ATR: variants seen among roughly 807,000 people sequenced by gnomAD.
The protein encoded by ATR is ATR checkpoint kinase.
A neutral mutation model predicts 305.3 loss-of-function variants in ATR; 142 were observed. The observed-to-expected ratio is 0.47, with a 90% CI of 0.41 to 0.53. The LOEUF is 0.53. Ranked by LOEUF, ATR falls within the 20% of genes least tolerant of loss-of-function variation. ATR has a pLI of 0.00. For synonymous variants in ATR, 1,050 were observed against 1,068.1 expected (o/e 0.98, Z 0.33); for missense variants, 2,135 against 3,133.1 (o/e 0.68, Z 7.60).
At chr3:142,526,290 A>C (rs1469742129) in intron 21 of ATR, among the ~76,000 whole-genome samples, 1 of 152,098 alleles carries the variant, frequency 6.6e-6, no homozygotes, top group Non-Finnish European at 1.5e-5. Flanking sequence ...TTAGCATAAG[A>C]AATGGAGATA....
rs572618001 is a variant in ATR at position 142,493,450 on chromosome 3, A to G, written c.5899-139T>C. ...TCTTTTACTTGCCTCTTATTAAAGTAAAATTCTAAAACTGAAACATTGCTT... is the reference window on the plus strand; with the variant it reads ...TCTTTTACTTGCCTCTTATTAAAGTGAAATTCTAAAACTGAAACATTGCTT... On this transcript the variant is annotated intron_variant, in intron 34 of 46. Transcript: ENST00000350721. 1.3e-4 allele frequency: 131 copies of G among 1,016,630 alleles called. No individual in the cohort carries two copies. In the African/African-American group the frequency reaches 2.0e-3, roughly 16 times the overall value. 63.0% of individuals were successfully genotyped at this position (1,016,630 alleles called of 1,614,324 possible). A position where few individuals can be genotyped will look rare whatever the true frequency, so the allele number is the denominator to read the frequency against.
At chr3:142,542,642 ACT>A (rs2034094637) in intron 17 of ATR, 21 bp downstream of exon 17, 3 of 1,563,158 alleles carry the variant, frequency 1.9e-6, no homozygotes, top group Non-Finnish European at 2.6e-6. Flanking sequence ...CTATCTTAGC[ACT>A]CTGGAACTAT....
intron 35 of ATR, among the ~76,000 whole-genome samples, chr3:142,487,977 C>T (rs138583218): frequency 2.0e-5 from 3 of 152,294 alleles, no homozygotes; most frequent in Admixed American, 6.5e-5. Flanking sequence ...GATACACTTG[C>T]CAACTTTAGC....
chr3:142,454,629 G>A (rs1237522084), intron 45 of ATR, among the ~76,000 whole-genome samples: 1 of 151,708 alleles, frequency 6.6e-6, no homozygotes, highest in East Asian at 1.9e-4. Context: ...TTTTAGTAGA[G>A]ACAGGGTTTC....
At position 142,515,435 on chromosome 3, in the gene ATR, G is replaced by A. The variant is rs753008812; in HGVS notation, c.4463C>T (p.Ala1488Val). The part of the protein sequence containing the change: ...IYLSKLGSNF[A>V]EWSASWAGYL... ...ACCTGCCCAAGATGCTGACCATTCT[G>A]CAAAGTTACTACCCAATTTACTTAA... Residue 1488 changes from alanine to valine, a missense_variant, in exon 25 of 47, where the codon GCA becomes GTA. Ala to Val is a moderately conservative substitution (Grantham distance 64, BLOSUM62 0). Around this residue, in one of 9 missense-constraint regions of ATR, gnomAD observed 202 missense variants for 252.9 expected, o/e 0.80. Transcript: ENST00000350721. 19 of 1,613,808 alleles carry A rather than the reference G, an allele frequency of 1.2e-5. No individual in the cohort carries two copies. The East Asian group carries it at 4.2e-4, about 36-fold the overall frequency.
chr3:142,469,321 T>G lies in ATR; in HGVS notation c.6552+16A>C. 6.3e-7 allele frequency: 1 copy of G among 1,595,330 alleles called. No homozygotes were observed. Among genetic ancestry groups the G allele is most frequent in the South Asian group, 1.1e-5 (1 of 90,442 alleles). ...TAAAAGATCTTTTCATATAAAAAGG[T>G]AAAAGACCCTTTTACCTTTGACACA... On this transcript the variant is annotated intron_variant, in intron 38 of 46. Transcript: ENST00000350721.
intron 36 of ATR, 71 bp downstream of exon 36, chr3:142,485,069 G>T: frequency 6.3e-7 from 1 of 1,580,058 alleles, no homozygotes; most frequent in Non-Finnish European, 8.7e-7. Context: ...GCTAAGACAT[G>T]TGATAACAGT....
In ATR at chr3:142,553,990, A is replaced by T. The variant is rs2108466016; in HGVS notation, c.2367T>A (p.Leu789=). The T allele has an allele frequency of 6.2e-7, 1 of 1,609,072 alleles. No individual in the cohort carries two copies. The highest frequency in any genetic ancestry group is 1.7e-5 in the Admixed American group (1 of 59,596). The change falls in exon 11 of 47, where the codon CTT becomes CTA. Residue 789 remains leucine, a synonymous_variant. Coordinates refer to ENST00000350721, the MANE Select transcript of ATR (RefSeq NM_001184.4). The part of the protein sequence containing the change: ...KLAFIDNLHH[L]CKHLDFREDE... The stretch of plus-strand genomic sequence containing the variant: ...CTTCTCTAAAATCAAGATGCTTACA[A>T]AGATGATGTAGATTATCTATGAAAG...
In ATR at chr3:142,556,388, A is replaced by T. The variant is rs773660116; in HGVS notation, c.2073T>A (p.Ile691=). 11 of 1,613,104 alleles carry T rather than the reference A, an allele frequency of 6.8e-6. No individual in the cohort carries two copies. The East Asian group carries it at 2.2e-4, about 33-fold the overall frequency. ...QQNSCNRVPK[I]LIDKVKDDSD... ...ATTAAAATCTTAGTACATACATAAG[A>T]ATCTTGGGAACTCTGTTACAAGAAT... is the stretch of plus-strand genomic sequence containing the variant. The change falls in exon 9 of 47, where the codon ATT becomes ATA. Residue 691 remains isoleucine (I), a synonymous_variant. Coordinates refer to ENST00000350721, the MANE Select transcript of ATR (RefSeq NM_001184.4).
At chr3:142,477,280 T>G (rs1334391338) in intron 36 of ATR, among the ~76,000 whole-genome samples, 2 of 152,212 alleles carry the variant, frequency 1.3e-5, no homozygotes, top group African/African-American at 4.8e-5. Flanking sequence ...ATACCTAATT[T>G]ATTGAGAGTT....
Position 142,495,865 on chromosome 3 carries a change from C to T in ATR, c.5898+496G>A, listed in dbSNP as rs76865687. ...ACTTTGGCTTTAATCTGAGGTCTGC[C>T]GTGAACTTCTGTTCAGATGCTAGGC... On this transcript the variant is annotated intron_variant, in intron 34 of 46. Transcript: ENST00000350721. Among the ~76,000 whole-genome samples the T allele has an allele frequency of 5.9e-3, 890 of 152,112 alleles. 9 individuals carry two copies. The highest frequency in any genetic ancestry group is 0.02 in the African/African-American group (846 of 41,492).
intron 46 of ATR, chr3:142,450,407 CT>C: frequency 6.3e-7 from 1 of 1,576,092 alleles, no homozygotes; most frequent in Non-Finnish European, 8.7e-7. Context: ...CTGCTGTCTT[CT>C]TTCACTTGTG....
chr3:142,553,232 A>C lies in ATR; in HGVS notation c.2800T>G (p.Cys934Gly). 2 of 1,614,094 alleles carry C rather than the reference A, an allele frequency of 1.2e-6. No homozygotes were observed. The highest frequency in any genetic ancestry group is 1.7e-6 in the Non-Finnish European group (2 of 1,179,926). ...AGACAAACGCTGACTCTTACCTGAC[A>C]GATGGGTTTCTTATACTGGCTGAAA... ...SFFSQYKKPI[C>G]QFLVESLHSS... The change falls in exon 13 of 47, where the codon TGT (cysteine) becomes GGT (glycine). Residue 934 changes from cysteine to glycine, a missense_variant. Coordinates refer to ENST00000350721, the MANE Select transcript of ATR (RefSeq NM_001184.4).
rs77316855 is a variant in ATR, at chr3:142,559,143, C to T, written c.1732+108G>A. 4.9e-6 allele frequency: 6 copies of T among 1,230,364 alleles called. No individual in the cohort carries two copies. In the African/African-American group the frequency reaches 9.2e-5, roughly 19 times the overall value. 76.2% of individuals were successfully genotyped at this position (1,230,364 alleles called of 1,614,324 possible). A position where few individuals can be genotyped will look rare whatever the true frequency, so the allele number is the denominator to read the frequency against. On this transcript the variant is annotated intron_variant, in intron 7 of 46. Coordinates refer to ENST00000350721, the MANE Select transcript of ATR (RefSeq NM_001184.4). ...TAATAGAACTGAAATCAGGAAAAAA[C>T]TTCTGAGTATTCCAAACACGCACTT...
intron 27 of ATR, among the ~76,000 whole-genome samples, chr3:142,510,806 GA>G (rs879635106): frequency 1.4e-3 from 191 of 139,724 alleles, no homozygotes; most frequent in Middle Eastern, 3.6e-3. Context: ...GCCAAGAATG[GA>G]AAAAAAAAAA....
intron 36 of ATR, among the ~76,000 whole-genome samples, chr3:142,471,889 C>G (rs1019593331): frequency 2.6e-5 from 4 of 152,168 alleles, no homozygotes; most frequent in Non-Finnish European, 5.9e-5. Flanking sequence ...CAACTCCTCA[C>G]TACTCCAACC....
chr3:142,476,065 G>T (rs1330277989), intron 36 of ATR, among the ~76,000 whole-genome samples: 4 of 152,298 alleles, frequency 2.6e-5, no homozygotes, highest in African/African-American at 9.6e-5. Context: ...TCTGATGGTA[G>T]TTTCTTTTGC....
chr3:142,473,862 C>A (rs1023651263), intron 36 of ATR, among the ~76,000 whole-genome samples: 11 of 150,210 alleles, frequency 7.3e-5, no homozygotes, highest in African/African-American at 2.7e-4. Context: ...CTCAAGATTT[C>A]TTTGGTTATC....
In ATR at chr3:142,518,189, T is replaced by C. The variant is rs542134081; in HGVS notation, c.4382+1480A>G. Among the ~76,000 whole-genome samples the C allele has an allele frequency of 3.9e-4, 60 of 152,166 alleles. No individual in the cohort carries two copies. In the Middle Eastern group the frequency reaches 0.017, roughly 43 times the overall value. ...AGTATGGAGTCCTCAAAAATGAAAATCCAAATTTTAACTTTAGTCTTTAAC... is the reference window on the plus strand; with the variant it reads ...AGTATGGAGTCCTCAAAAATGAAAACCCAAATTTTAACTTTAGTCTTTAAC... On this transcript the variant is annotated intron_variant, in intron 24 of 46. Transcript: ENST00000350721.
Sources: gnomAD v4.1 joint callset for allele counts (sites outside exome capture counted in the v4.1 genomes callset) on GRCh38, gnomAD v4.1.1 for gene constraint, gnomAD v4.1.1 regional missense constraint, MANE v1.5 for transcripts, NCBI Gene and HGNC (gene_info 2026-07-23, HGNC 2026-07-21) for gene names.